Variants in UPF2 observed in about 807,000 individuals in gnomAD.
UPF2 encodes regulator of nonsense transcripts 2.
Under a neutral mutation model 141.4 loss-of-function variants are expected in UPF2, and 17 were observed. The ratio of observed to expected loss-of-function variants is 0.12; its 90% CI spans 0.08 to 0.18. The LOEUF is 0.18. Ranked by LOEUF, UPF2 falls within the 10% of genes least tolerant of loss-of-function variation. The probability of loss-of-function intolerance (pLI) is 1.00; values close to 1 mark genes in which losing one functional copy is unlikely to be tolerated. For synonymous variants in UPF2, 540 were observed against 498.0 expected (o/e 1.08, Z -1.12); for missense variants, 1,152 against 1,515.9 (o/e 0.76, Z 3.99).
chr10:11,975,951 A>T (rs1373458547), intron 9 of UPF2, among the ~76,000 whole-genome samples: 1 of 152,228 alleles, frequency 6.6e-6, no homozygotes, highest in Non-Finnish European at 1.5e-5. Context: ...ACTGTGAATC[A>T]CAGTTTTTTG....
Position 11,921,284 on chromosome 10 carries a change from C to G in UPF2, c.*14G>C. The G allele has an allele frequency of 6.2e-7, 1 of 1,614,142 alleles. No homozygotes were observed. Among genetic ancestry groups the G allele is most frequent in the South Asian group, 1.1e-5 (1 of 91,080 alleles). On this transcript the variant is annotated 3_prime_UTR_variant, in exon 22 of 22. Transcript: ENST00000357604. This position sits in a 1 kb window ranked among gnomAD's most constrained non-coding sequence, Gnocchi z 5.9. ...TCAGATACAGGACCTAATGAAATGA[C>G]ACGTGCTGCTGGATCAACGTCTCCT... is the stretch of plus-strand genomic sequence containing the variant.
intron 4 of UPF2, among the ~76,000 whole-genome samples, chr10:12,009,592 C>T (rs983769349): frequency 6.6e-6 from 1 of 152,010 alleles, no homozygotes; most frequent in Admixed American, 6.6e-5. Flanking sequence ...GAAAATAATC[C>T]CTGATAGGGA....
At chr10:12,008,204 G>T (rs1012634443) in intron 4 of UPF2, among the ~76,000 whole-genome samples, 3 of 151,684 alleles carry the variant, frequency 2.0e-5, no homozygotes, top group Admixed American at 1.3e-4. Flanking sequence ...GGGGGTGGGG[G>T]TATAAAAGAT....
At chr10:12,026,676 G>A (rs965527045) in intron 3 of UPF2, 1 of 425,966 alleles carries the variant, frequency 2.3e-6, no homozygotes, top group African/African-American at 2.3e-5. Flanking sequence ...TTAGGACGAA[G>A]TCTCGCTCTT....
chr10:11,955,201 G>T (rs1833129906), intron 14 of UPF2, 31 bp downstream of exon 14: 4 of 1,530,008 alleles, frequency 2.6e-6, no homozygotes, highest in Non-Finnish European at 3.5e-6. Context: ...TATGTTAAAT[G>T]ATGCCAAACT....
Position 11,959,233 on chromosome 10 carries a change from G to A in UPF2, c.2308C>T (p.Pro770Ser). ...AEKTVKKKRP[P>S]LQEYVRKLLY... ...AGTTTCCGGACATATTCCTGGAGAG[G>A]AGGACGTTTCTTTTTCACGGTTTTT... The change falls in exon 12 of 22, where the codon CCT becomes TCT. Residue 770 changes from proline (P) to serine (S), a missense_variant. Coordinates refer to ENST00000357604, the MANE Select transcript of UPF2 (RefSeq NM_015542.4). The surrounding 1 kb of genome is among the most constrained non-coding windows in gnomAD (Gnocchi z 5.9). 4 of 1,613,628 alleles carry A rather than the reference G, an allele frequency of 2.5e-6. No homozygotes were observed. The highest frequency in any genetic ancestry group is 3.4e-6 in the Non-Finnish European group (4 of 1,179,854).
chr10:11,970,877 G>A (rs1331247082), intron 9 of UPF2, among the ~76,000 whole-genome samples: 2 of 150,874 alleles, frequency 1.3e-5, no homozygotes, highest in Middle Eastern at 3.2e-3. Context: ...AGGGTCAGTA[G>A]GGTTGGGAAA....
intron 12 of UPF2, among the ~76,000 whole-genome samples, chr10:11,958,723 G>C (rs1833193823): frequency 6.6e-6 from 1 of 151,686 alleles, no homozygotes; most frequent in African/African-American, 2.4e-5. Context: ...ATTAACCCCT[G>C]TTGAGAATCT....
intron 19 of UPF2, among the ~76,000 whole-genome samples, chr10:11,934,223 A>G (rs183496899): frequency 1.4e-3 from 217 of 152,374 alleles, no homozygotes; most frequent in Admixed American, 5.7e-3. Flanking sequence ...GGGATTTGTG[A>G]ATCCTCGTAA....
chr10:11,950,080 G>C (rs917050150), intron 15 of UPF2, among the ~76,000 whole-genome samples: 1 of 151,956 alleles, frequency 6.6e-6, no homozygotes, highest in Non-Finnish European at 1.5e-5. Flanking sequence ...AAAAAGAGTA[G>C]AAAAATATGT....
Position 11,998,130 on chromosome 10 carries a change from C to T in UPF2, c.1759-373G>A, listed in dbSNP as rs1332758418. 6.6e-6 allele frequency among the ~76,000 whole-genome samples: 1 copy of T among 152,108 alleles called. No individual in the cohort carries two copies. The highest frequency in any genetic ancestry group is 1.5e-5 in the Non-Finnish European group (1 of 68,018). ...TGTTAGGGTTTAGAAAGCAATACCC[C>T]AAAATATGGCTCTTTGGATGCTGAG... On this transcript the variant is annotated intron_variant, in intron 7 of 21. Transcript: ENST00000357604. This position sits in a 1 kb window ranked among gnomAD's most constrained non-coding sequence, Gnocchi z 4.5.
intron 2 of UPF2, among the ~76,000 whole-genome samples, chr10:12,032,234 C>A (rs561700213): frequency 6.7e-6 from 1 of 149,410 alleles, no homozygotes; most frequent in Non-Finnish European, 1.5e-5. Context: ...GTGGAGGTTA[C>A]GGTGAGCCGA....
At chr10:11,922,052 A>G (rs1832652114) in intron 21 of UPF2, among the ~76,000 whole-genome samples, 1 of 152,118 alleles carries the variant, frequency 6.6e-6, no homozygotes, top group African/African-American at 2.4e-5. Context: ...ACACAGGGGG[A>G]AAAGGCCACG....
chr10:11,962,963 A>G (rs1233478095), intron 11 of UPF2, among the ~76,000 whole-genome samples: 1 of 152,186 alleles, frequency 6.6e-6, no homozygotes, highest in Non-Finnish European at 1.5e-5. Flanking sequence ...ACATTAAATC[A>G]TAATGTATTT....
At chr10:12,015,145 A>G (rs1564367122) in intron 3 of UPF2, among the ~76,000 whole-genome samples, 1 of 152,244 alleles carries the variant, frequency 6.6e-6, no homozygotes, top group Non-Finnish European at 1.5e-5. Context: ...ATGCAAATAC[A>G]TTGTTTCAAA....
rs774756356 is a variant in UPF2, at chr10:11,956,420, T to C, written c.2474A>G (p.His825Arg). 6.2e-7 allele frequency: 1 copy of C among 1,614,170 alleles called. No homozygotes were observed. Among genetic ancestry groups the C allele is most frequent in the Non-Finnish European group, 8.5e-7 (1 of 1,180,014 alleles). The change falls in exon 13 of 22, where the codon CAT (histidine) becomes CGT (arginine). Residue 825 changes from histidine to arginine, a missense_variant. Physicochemically the swap from His to Arg is conservative, Grantham distance 29. Coordinates refer to ENST00000357604, the MANE Select transcript of UPF2 (RefSeq NM_015542.4). This position sits in a 1 kb window ranked among gnomAD's most constrained non-coding sequence, Gnocchi z 4.2. ...NIWNVKYNSI[H>R]CVANLLAGLV... ...TCCTGCTAAGAGGTTGGCTACACAA[T>C]GAATACTATTATATTTCACATTCCA...
intron 1 of UPF2, among the ~76,000 whole-genome samples, chr10:12,038,079 T>A (rs1464686838): frequency 1.3e-5 from 2 of 152,204 alleles, no homozygotes; most frequent in Non-Finnish European, 2.9e-5. Context: ...CTATTGGGCC[T>A]ATTTTTAAAA....
At chr10:11,984,509 C>A (rs1833654282) in intron 8 of UPF2, among the ~76,000 whole-genome samples, 1 of 152,050 alleles carries the variant, frequency 6.6e-6, no homozygotes, top group Non-Finnish European at 1.5e-5. Flanking sequence ...TATTTTTCAA[C>A]AAAGTTTGTG....
At position 11,941,004 on chromosome 10, in the gene UPF2, A is replaced by G. The variant is rs551126112; in HGVS notation, c.3378+1661T>C. ...TGACCTCAGAGACTTCTTCCCCACT[A>G]TCCTATCTAGGAATGCCCTTCCCTT... On this transcript the variant is annotated intron_variant, in intron 18 of 21. Coordinates refer to ENST00000357604, the MANE Select transcript of UPF2 (RefSeq NM_015542.4). Among the ~76,000 whole-genome samples the G allele has an allele frequency of 4.6e-5, 7 of 151,766 alleles. No homozygotes were observed. In the East Asian group the frequency reaches 1.4e-3, roughly 29 times the overall value.
Sources: allele counts gnomAD v4.1 joint callset (sites outside exome capture counted in the v4.1 genomes callset), GRCh38; gene constraint gnomAD v4.1.1; non-coding constraint Gnocchi (gnomAD v3.1); transcripts MANE v1.5; gene names NCBI Gene and HGNC (gene_info 2026-07-23, HGNC 2026-07-21).